SLC13A1: variants seen among roughly 807,000 people sequenced by gnomAD.
SLC13A1 encodes Na(+)/sulfate cotransporter.
A neutral mutation model predicts 70.0 loss-of-function variants in SLC13A1; 65 were observed. The observed-to-expected ratio is 0.93, with a 90% CI of 0.76 to 1.14. SLC13A1 has a LOEUF of 1.14. Among genes scored for constraint, SLC13A1 ranks in the 50% most tolerant of loss-of-function variants. SLC13A1 has a pLI of 0.00. For synonymous variants in SLC13A1, 275 were observed against 250.5 expected (o/e 1.10, Z -0.92); for missense variants, 726 against 717.8 (o/e 1.01, Z -0.13).
chr7:123,157,845 C>A (rs1455874974), intron 6 of SLC13A1, among the ~76,000 whole-genome samples: 1 of 151,924 alleles, frequency 6.6e-6, no homozygotes, highest in Non-Finnish European at 1.5e-5. Flanking sequence ...TTGCTCCAGG[C>A]CAAATGTGTG....
At chr7:123,194,597 AAAAC>A (rs1332342952) in intron 1 of SLC13A1, among the ~76,000 whole-genome samples, 7 of 152,060 alleles carry the variant, frequency 4.6e-5, no homozygotes, top group South Asian at 2.1e-4. Flanking sequence ...AAGTGTGTAA[AAAAC>A]AAACAGTCTA....
chr7:123,127,838 ATTTTT>A (rs201644707), intron 10 of SLC13A1, among the ~76,000 whole-genome samples: 103 of 106,784 alleles, frequency 9.6e-4, no homozygotes, highest in African/African-American at 3.8e-3. Context: ...CCAAAATACA[ATTTTT>A]TTTTTTTTTT....
chr7:123,165,364 A>G (rs1795035604), intron 6 of SLC13A1, among the ~76,000 whole-genome samples: 1 of 152,108 alleles, frequency 6.6e-6, no homozygotes, highest in African/African-American at 2.4e-5. Context: ...CTAAACTCAG[A>G]TATTAATCTT....
chr7:123,123,073 CTTCTT>C, intron 12 of SLC13A1, 48 bp downstream of exon 12: 1 of 1,332,706 alleles, frequency 7.5e-7, no homozygotes, highest in South Asian at 1.2e-5. Flanking sequence ...TCTCTGTGCT[CTTCTT>C]TTGAACAGTC....
rs775490176 is a variant in SLC13A1, at chr7:123,113,818, A to G, written c.*1700T>C. ...CATTAATAAACATAGATAAATAATG[A>G]ACATGGCCAATTAATAATTCGTATG... On this transcript the variant is annotated 3_prime_UTR_variant, in exon 15 of 15. Coordinates refer to ENST00000194130, the MANE Select transcript of SLC13A1 (RefSeq NM_022444.4). The G allele has an allele frequency of 6.6e-6, 1 of 152,194 alleles. No individual in the cohort carries two copies. The highest frequency in any genetic ancestry group is 2.1e-4 in the South Asian group (1 of 4,836). The allele number at this position is 152,194 out of a possible 1,614,324, so 9.4% of individuals were successfully genotyped here.
chr7:123,175,101 G>A (rs1795405179), intron 2 of SLC13A1, among the ~76,000 whole-genome samples: 1 of 151,846 alleles, frequency 6.6e-6, no homozygotes, highest in Admixed American at 6.6e-5. Context: ...TATGGACTTA[G>A]CACATGCCTG....
At chr7:123,199,732 A>T in intron 1 of SLC13A1, 116 bp downstream of exon 1, 1 of 704,266 alleles carries the variant, frequency 1.4e-6, no homozygotes, top group Non-Finnish European at 2.4e-6. Flanking sequence ...GACTTTAGGT[A>T]TGAAGGGTCA....
chr7:123,133,958 C>T (rs987496144), intron 8 of SLC13A1, among the ~76,000 whole-genome samples: 3 of 152,182 alleles, frequency 2.0e-5, no homozygotes, highest in African/African-American at 7.2e-5. Flanking sequence ...CCACCTCAGC[C>T]TCTTGAGTAG....
chr7:123,199,765 G>C (rs1796294118), intron 1 of SLC13A1, 83 bp downstream of exon 1: 1 of 983,142 alleles, frequency 1.0e-6, no homozygotes, highest in South Asian at 1.5e-5. Context: ...CTCTGAGCCA[G>C]GCAGTTAAAC....
At chr7:123,165,796 G>A (rs757142551) in intron 6 of SLC13A1, among the ~76,000 whole-genome samples, 1 of 151,992 alleles carries the variant, frequency 6.6e-6, no homozygotes, top group African/African-American at 2.4e-5. Flanking sequence ...TTACTTAGCT[G>A]GTTCTTTGAA....
intron 13 of SLC13A1, among the ~76,000 whole-genome samples, chr7:123,117,902 A>G: frequency 6.6e-6 from 1 of 151,664 alleles, no homozygotes; most frequent in African/African-American, 2.4e-5. Flanking sequence ...TTACTTATCT[A>G]TTGCTAGGTG....
intron 2 of SLC13A1, among the ~76,000 whole-genome samples, chr7:123,175,181 G>A (rs1178721056): frequency 6.6e-6 from 1 of 151,960 alleles, no homozygotes; most frequent in Non-Finnish European, 1.5e-5. Context: ...CAAGCTATTA[G>A]ATGAGAAAAA....
At chr7:123,188,491 C>A (rs903416837) in intron 1 of SLC13A1, among the ~76,000 whole-genome samples, 1 of 152,096 alleles carries the variant, frequency 6.6e-6, no homozygotes. Context: ...ATGAAAAAAT[C>A]TTCTTATTTA....
chr7:123,135,544 G>A (rs1793923543), intron 7 of SLC13A1, among the ~76,000 whole-genome samples: 1 of 151,994 alleles, frequency 6.6e-6, no homozygotes, highest in African/African-American at 2.4e-5. Context: ...GAACTTTATA[G>A]AAATATTGAT....
chr7:123,189,128 AAAAAG>A (rs1305900845), intron 1 of SLC13A1, among the ~76,000 whole-genome samples: 14 of 150,586 alleles, frequency 9.3e-5, no homozygotes, highest in African/African-American at 2.2e-4. Context: ...AAAAAAAAAA[AAAAAG>A]AAAGAAAATC....
intron 6 of SLC13A1, among the ~76,000 whole-genome samples, chr7:123,156,180 A>G (rs1794707401): frequency 6.6e-6 from 1 of 152,042 alleles, no homozygotes; most frequent in South Asian, 2.1e-4. Context: ...ACTGGGGATA[A>G]TGGGGTTATT....
At chr7:123,128,718 T>TA (rs1402480050) in intron 10 of SLC13A1, 127 bp downstream of exon 10, 2 of 653,806 alleles carry the variant, frequency 3.1e-6, no homozygotes, top group Admixed American at 5.9e-5. Context: ...GATTAGAACT[T>TA]AAAATATCTT....
intron 8 of SLC13A1, among the ~76,000 whole-genome samples, chr7:123,133,035 T>G (rs1353053574): frequency 5.3e-5 from 8 of 152,134 alleles, no homozygotes; most frequent in Non-Finnish European, 7.4e-5. Context: ...TCTTTATTGG[T>G]CAACATTTTT....
intron 7 of SLC13A1, among the ~76,000 whole-genome samples, chr7:123,146,911 T>A (rs970620156): frequency 2.0e-5 from 3 of 152,168 alleles, no homozygotes; most frequent in African/African-American, 7.2e-5. Context: ...TTGTTAAGGG[T>A]GGTCAGCCAA....
Sources: allele counts gnomAD v4.1 joint callset (sites outside exome capture counted in the v4.1 genomes callset), GRCh38; gene constraint gnomAD v4.1.1; transcripts MANE v1.5; gene names NCBI Gene and HGNC (gene_info 2026-07-23, HGNC 2026-07-21).